Variants in RGL1 observed in about 807,000 individuals in gnomAD.
RGL1 encodes ral guanine nucleotide dissociation stimulator-like 1.
Under a neutral mutation model 95.2 loss-of-function variants are expected in RGL1, and 24 were observed. The ratio of observed to expected loss-of-function variants is 0.25; its 90% CI spans 0.18 to 0.35. RGL1 has a LOEUF of 0.35. RGL1 is among the 10% of genes least tolerant of loss of function. The pLI is 1.00. For synonymous variants in RGL1, 329 were observed against 344.9 expected (o/e 0.95, Z 0.51); for missense variants, 715 against 936.3 (o/e 0.76, Z 3.08).
Position 183,897,871 on chromosome 1 carries a change from A to C in RGL1, c.1204A>C (p.Arg402=), listed in dbSNP as rs758111093. The change falls in exon 10 of 18, where the codon AGG becomes CGG. Residue 402 remains arginine (R), a synonymous_variant. Coordinates refer to ENST00000360851, the MANE Select transcript of RGL1 (RefSeq NM_001297671.3). ...SVKENQKRTQ[R]RLQLQKDMGV... ...GAAAGAAAACCAGAAGCGTACCCAG[A>C]GGCGGCTGCAGCTCCAGAAGGACAT... 2 of 1,613,984 alleles carry C rather than the reference A, an allele frequency of 1.2e-6. No individual in the cohort carries two copies. Among genetic ancestry groups the C allele is most frequent in the Non-Finnish European group, 1.7e-6 (2 of 1,179,868 alleles).
Position 183,843,673 on chromosome 1 carries a change from G to T in RGL1, c.139-3893G>T, listed in dbSNP as rs11806497. ...TTCCATTGTAAGTAAAATAAGAATC[G>T]TCAAATTTCAACATTGTTTGGTAAG... is the stretch of plus-strand genomic sequence containing the variant. On this transcript the variant is annotated intron_variant, in intron 2 of 17. Transcript: ENST00000360851. Among the ~76,000 whole-genome samples, 210 of 152,216 alleles carry T rather than the reference G, an allele frequency of 1.4e-3. 1 individual carries two copies. The highest frequency in any genetic ancestry group is 4.8e-3 in the African/African-American group (198 of 41,526).
chr1:183,886,805 G>C (rs893517192), intron 7 of RGL1, among the ~76,000 whole-genome samples: 1 of 151,948 alleles, frequency 6.6e-6, no homozygotes, highest in Non-Finnish European at 1.5e-5. Context: ...CTATTGAAAG[G>C]ATATTTGAAA....
At chr1:183,885,574 A>G (rs1667063593) in intron 7 of RGL1, among the ~76,000 whole-genome samples, 1 of 152,192 alleles carries the variant, frequency 6.6e-6, no homozygotes, top group Non-Finnish European at 1.5e-5. Flanking sequence ...CTTACATACC[A>G]TAGGACCTCC....
At chr1:183,725,022 T>C (rs1184978957) in intron 1 of RGL1, among the ~76,000 whole-genome samples, 4 of 151,964 alleles carry the variant, frequency 2.6e-5, no homozygotes, top group African/African-American at 9.7e-5. Flanking sequence ...AGAAACGGAC[T>C]CTGTTTCTTT....
intron 1 of RGL1, among the ~76,000 whole-genome samples, chr1:183,730,167 C>A (rs947525355): frequency 6.6e-6 from 1 of 152,092 alleles, no homozygotes; most frequent in Non-Finnish European, 1.5e-5. Flanking sequence ...GGGGCAACAT[C>A]TTGGAGTCAG....
intron 1 of RGL1, among the ~76,000 whole-genome samples, chr1:183,712,657 A>G (rs1332918447): frequency 6.6e-6 from 1 of 152,242 alleles, no homozygotes; most frequent in Admixed American, 6.5e-5. Context: ...CAAGGAAGCT[A>G]ACATGGTAAG....
chr1:183,853,785 A>C (rs891842331), intron 3 of RGL1, among the ~76,000 whole-genome samples: 1 of 151,910 alleles, frequency 6.6e-6, no homozygotes, highest in African/African-American at 2.4e-5. Context: ...AGCTCTTTCC[A>C]AGTGTACAAT....
intron 1 of RGL1, among the ~76,000 whole-genome samples, chr1:183,741,787 A>C (rs1657322391): frequency 1.3e-5 from 2 of 152,154 alleles, no homozygotes. Flanking sequence ...TGAAAACATC[A>C]CTCAGGTTTG....
intron 2 of RGL1, among the ~76,000 whole-genome samples, chr1:183,821,051 T>C (rs1374595582): frequency 6.6e-6 from 1 of 152,106 alleles, no homozygotes; most frequent in East Asian, 1.9e-4. Context: ...GAGAATTGCT[T>C]GTACCCAAGA....
At chr1:183,808,228 A>T (rs1290383873) in intron 2 of RGL1, among the ~76,000 whole-genome samples, 1 of 152,210 alleles carries the variant, frequency 6.6e-6, no homozygotes, top group African/African-American at 2.4e-5. Context: ...TCTCTTCACT[A>T]GACTTCACTT....
intron 1 of RGL1, chr1:183,648,696 G>C: frequency 5.0e-6 from 8 of 1,614,168 alleles, no homozygotes; most frequent in Non-Finnish European, 6.8e-6. Context: ...AGGACAATTA[G>C]AGCAATCGAG....
At chr1:183,740,843 A>C (rs2102254101) in intron 1 of RGL1, among the ~76,000 whole-genome samples, 1 of 152,356 alleles carries the variant, frequency 6.6e-6, no homozygotes, top group East Asian at 1.9e-4. Context: ...ATGATTCATA[A>C]AACATTTATT....
At chr1:183,857,322 C>A (rs1463994737) in intron 3 of RGL1, among the ~76,000 whole-genome samples, 1 of 152,212 alleles carries the variant, frequency 6.6e-6, no homozygotes, top group East Asian at 1.9e-4. Context: ...ATAGCCCTGA[C>A]AACACCTTGA....
chr1:183,788,544 T>G (rs1243079261), intron 2 of RGL1, among the ~76,000 whole-genome samples: 1 of 152,216 alleles, frequency 6.6e-6, no homozygotes, highest in African/African-American at 2.4e-5. Flanking sequence ...CACATAAAAT[T>G]AACCATCACA....
At chr1:183,802,306 T>G (rs1661035905), upstream of RGL1, among the ~76,000 whole-genome samples, 1 of 152,202 alleles carries the variant, frequency 6.6e-6, no homozygotes. Flanking sequence ...GTGTCTGTCT[T>G]TATGCCGGTA....
At chr1:183,887,130 G>C (rs1208878221) in intron 7 of RGL1, among the ~76,000 whole-genome samples, 2 of 101,776 alleles carry the variant, frequency 2.0e-5, no homozygotes, top group Non-Finnish European at 4.2e-5. Context: ...TTGCAATTCA[G>C]AACATTTCTC....
chr1:183,897,544 G>A (rs1205655175), intron 9 of RGL1, among the ~76,000 whole-genome samples: 12 of 148,232 alleles, frequency 8.1e-5, no homozygotes, highest in South Asian at 4.3e-4. Flanking sequence ...GTGAGACTTC[G>A]TCTCAAAAAA....
intron 5 of RGL1, 31 bp downstream of exon 5, chr1:183,880,831 C>A: frequency 6.2e-7 from 1 of 1,600,550 alleles, no homozygotes; most frequent in Non-Finnish European, 8.5e-7. Flanking sequence ...AGGGAAAAGG[C>A]TAGATTCTGA....
At chr1:183,722,839 GA>G (rs949965019) in intron 1 of RGL1, among the ~76,000 whole-genome samples, 1 of 139,606 alleles carries the variant, frequency 7.2e-6, no homozygotes, top group Non-Finnish European at 1.6e-5. Context: ...CAGGCAGAAG[GA>G]AAATGATACC....
Sources: allele counts gnomAD v4.1 joint callset (sites outside exome capture counted in the v4.1 genomes callset), GRCh38; gene constraint gnomAD v4.1.1; transcripts MANE v1.5; gene names NCBI Gene and HGNC (gene_info 2026-07-23, HGNC 2026-07-21).